MEGF11: variants seen among roughly 807,000 people sequenced by gnomAD.
MEGF11 encodes the protein multiple epidermal growth factor-like domains protein 11.
Under a neutral mutation model 146.6 loss-of-function variants are expected in MEGF11, and 126 were observed. The ratio of observed to expected loss-of-function variants is 0.86; its 90% CI spans 0.74 to 1.00. MEGF11 has a LOEUF of 1.00. Ranked by LOEUF, MEGF11 falls within the 50% of genes least tolerant of loss-of-function variation. MEGF11 has a pLI of 0.00. For synonymous variants in MEGF11, 532 were observed against 583.4 expected, an observed-to-expected ratio of 0.91 and a Z score of 1.27; for missense variants, 1,509 against 1,521.2, an observed-to-expected ratio of 0.99 and a Z score of 0.13.
chr15:66,222,447 C>A (rs1453885400), intron 1 of MEGF11, among the ~76,000 whole-genome samples: 1 of 152,194 alleles, frequency 6.6e-6, no homozygotes, highest in Non-Finnish European at 1.5e-5. Flanking sequence ...CAGCCTCTTG[C>A]ACCTATTGCT....
chr15:66,035,216 A>G (rs1401682134), intron 5 of MEGF11, among the ~76,000 whole-genome samples: 2 of 152,188 alleles, frequency 1.3e-5, no homozygotes, highest in African/African-American at 4.8e-5. Flanking sequence ...AAGTAGTATT[A>G]CAGTAGTTGT....
At chr15:66,028,155 A>C (rs946208923) in intron 5 of MEGF11, among the ~76,000 whole-genome samples, 1 of 152,300 alleles carries the variant, frequency 6.6e-6, no homozygotes, top group East Asian at 1.9e-4. Flanking sequence ...CCTGGTGATC[A>C]GTTGTATCCC....
At chr15:66,116,187 A>G (rs1350104203) in intron 4 of MEGF11, among the ~76,000 whole-genome samples, 1 of 152,152 alleles carries the variant, frequency 6.6e-6, no homozygotes, top group African/African-American at 2.4e-5. Flanking sequence ...CCCGTGAAGC[A>G]GGTGGCAGCA....
chr15:66,167,772 G>C (rs906295722), intron 1 of MEGF11, among the ~76,000 whole-genome samples: 13 of 152,220 alleles, frequency 8.5e-5, no homozygotes, highest in Non-Finnish European at 1.3e-4. Flanking sequence ...TCCATCTACA[G>C]CCCTAACTTC....
At chr15:66,182,862 C>A (rs140701148) in intron 1 of MEGF11, among the ~76,000 whole-genome samples, 7 of 152,142 alleles carry the variant, frequency 4.6e-5, no homozygotes, top group Admixed American at 2.0e-4. Flanking sequence ...GTTCCACCCA[C>A]GGGGATGAAG....
intron 10 of MEGF11, among the ~76,000 whole-genome samples, chr15:65,940,419 G>A (rs935968248): frequency 1.3e-5 from 2 of 152,230 alleles, no homozygotes; most frequent in African/African-American, 2.4e-5. Flanking sequence ...AACTCTAAGC[G>A]CTAGGACAGT....
intron 5 of MEGF11, among the ~76,000 whole-genome samples, chr15:66,017,995 G>T (rs2082954342): frequency 6.6e-6 from 1 of 152,230 alleles, no homozygotes; most frequent in Non-Finnish European, 1.5e-5. Flanking sequence ...CAGGGAAGGA[G>T]CCGGGTGGGC....
At chr15:66,136,384 G>A (rs543397218) in intron 1 of MEGF11, among the ~76,000 whole-genome samples, 229 of 152,172 alleles carry the variant, frequency 1.5e-3, no homozygotes, top group African/African-American at 5.4e-3. Context: ...GGTCTCTCCC[G>A]CCACACCTCA....
chr15:65,943,311 G>A (rs529065083), intron 10 of MEGF11, among the ~76,000 whole-genome samples: 24 of 152,294 alleles, frequency 1.6e-4, no homozygotes, highest in African/African-American at 5.5e-4. Flanking sequence ...CAAAAAAATT[G>A]CCTCTAAACT....
chr15:66,003,513 C>T (rs968901472), intron 5 of MEGF11, among the ~76,000 whole-genome samples: 5 of 152,060 alleles, frequency 3.3e-5, no homozygotes, highest in African/African-American at 1.2e-4. Context: ...TGAGAGTTGC[C>T]TTATCTGCCA....
chr15:66,151,758 C>T (rs1567265036), intron 1 of MEGF11, among the ~76,000 whole-genome samples: 1 of 152,194 alleles, frequency 6.6e-6, no homozygotes, highest in Non-Finnish European at 1.5e-5. Flanking sequence ...AGACCCACTT[C>T]CCCCTTCTTC....
Position 66,250,917 on chromosome 15 carries a change from G to GA in MEGF11, c.-9+2687dup, listed in dbSNP as rs769893478. On this transcript the variant is annotated intron_variant, in intron 1 of 25. Coordinates refer to ENST00000395614, the MANE Select transcript of MEGF11 (RefSeq NM_001385028.1). ...GACTCCGTCTCAAAAAAAAAAGAAT[G>GA]AAAAAAAAAGAGAGAAGGGGCAAAA... 2.9e-3 allele frequency among the ~76,000 whole-genome samples: 433 copies of GA among 150,368 alleles called. 4 individuals carry two copies. The Middle Eastern group carries it at 0.031, about 11-fold the overall frequency.
At position 66,253,161 on chromosome 15, in the gene MEGF11, G is replaced by A. The variant is rs570817367; in HGVS notation, c.-9+444C>T. The stretch of plus-strand genomic sequence containing the variant: ...GGCTCTGCCTCCCGACCCCGGCGGG[G>A]AAGGCGCCGGTGCAGTGAGTGCAGC... On this transcript the variant is annotated intron_variant, in intron 1 of 25. Transcript: ENST00000395614. Among the ~76,000 whole-genome samples the A allele has an allele frequency of 3.1e-3, 470 of 152,318 alleles. 1 individual carries two copies. The highest frequency in any genetic ancestry group is 0.011 in the African/African-American group (451 of 41,590).
chr15:66,038,990 A>G (rs1043819534), intron 5 of MEGF11, among the ~76,000 whole-genome samples: 1 of 152,206 alleles, frequency 6.6e-6, no homozygotes, highest in Non-Finnish European at 1.5e-5. Flanking sequence ...TTCTCAAATT[A>G]CAGTCCCCAG....
intron 4 of MEGF11, among the ~76,000 whole-genome samples, chr15:66,114,163 T>C (rs773248643): frequency 6.6e-6 from 1 of 152,208 alleles, no homozygotes; most frequent in Non-Finnish European, 1.5e-5. Flanking sequence ...GAATGAGTTG[T>C]GGTTTGTGAG....
At chr15:66,091,414 A>G (rs527345354) in intron 5 of MEGF11, among the ~76,000 whole-genome samples, 81 of 152,366 alleles carry the variant, frequency 5.3e-4, no homozygotes, top group Middle Eastern at 3.4e-3. Context: ...TGACAGATCA[A>G]TTTCAACCTT....
intron 24 of MEGF11, among the ~76,000 whole-genome samples, chr15:65,900,689 C>T (rs1180484650): frequency 1.3e-5 from 2 of 152,226 alleles, no homozygotes; most frequent in South Asian, 2.1e-4. Flanking sequence ...TTGACTTCCT[C>T]AGGATCACAC....
chr15:65,898,602 G>A, intron 25 of MEGF11, 126 bp downstream of exon 25: 1 of 1,482,936 alleles, frequency 6.7e-7, no homozygotes, highest in Non-Finnish European at 8.9e-7. Context: ...TCACCTTAGA[G>A]ATGCCTTTAA....
At chr15:66,220,639 G>T (rs185365303) in intron 1 of MEGF11, among the ~76,000 whole-genome samples, 1 of 149,348 alleles carries the variant, frequency 6.7e-6, no homozygotes, top group Non-Finnish European at 1.5e-5. Context: ...CCAGGATCAC[G>T]CAATCCTTTC....
Sources: allele counts gnomAD v4.1 joint callset (sites outside exome capture counted in the v4.1 genomes callset), GRCh38; gene constraint gnomAD v4.1.1; transcripts MANE v1.5; gene names NCBI Gene and HGNC (gene_info 2026-07-23, HGNC 2026-07-21).